Variants in TBC1D32 observed in about 807,000 individuals in gnomAD.
The protein encoded by TBC1D32 is protein broad-minded.
TBC1D32 carries 151 observed loss-of-function variants against 170.3 expected under a neutral mutation model. The observed-to-expected ratio is 0.89, with a 90% CI of 0.78 to 1.01. The LOEUF is 1.01. TBC1D32 is among the 50% of genes least tolerant of loss of function. The probability of loss-of-function intolerance (pLI) is 0.00; values close to 1 mark genes in which losing one functional copy is unlikely to be tolerated. For synonymous variants in TBC1D32, 498 were observed against 488.0 expected (o/e 1.02, Z -0.27); for missense variants, 1,464 against 1,457.1 (o/e 1.00, Z -0.08).
At chr6:121,276,354 A>G (rs1246252940) in intron 15 of TBC1D32, among the ~76,000 whole-genome samples, 1 of 152,102 alleles carries the variant, frequency 6.6e-6, no homozygotes, top group African/African-American at 2.4e-5. Context: ...AAACAATATA[A>G]TTAGCAATTA....
intron 24 of TBC1D32, among the ~76,000 whole-genome samples, chr6:121,139,011 AT>A (rs538495842): frequency 1.3e-5 from 2 of 151,576 alleles, no homozygotes; most frequent in Non-Finnish European, 1.5e-5. Flanking sequence ...CGCCTGGCTA[AT>A]TTTTTTTGTA....
upstream of TBC1D32, chr6:121,334,617 C>T: frequency 3.1e-6 from 2 of 654,392 alleles, no homozygotes; most frequent in Non-Finnish European, 5.1e-6. Context: ...AGTCACCTTA[C>T]TTTGGGGAAG....
At chr6:121,276,341 C>T (rs2128437132) in intron 15 of TBC1D32, among the ~76,000 whole-genome samples, 1 of 152,016 alleles carries the variant, frequency 6.6e-6, no homozygotes, top group South Asian at 2.1e-4. Context: ...CTAAATACAA[C>T]TAAAACAATA....
At chr6:121,102,496 C>G (rs948108103) in intron 30 of TBC1D32, among the ~76,000 whole-genome samples, 1 of 152,056 alleles carries the variant, frequency 6.6e-6, no homozygotes, top group Non-Finnish European at 1.5e-5. Context: ...GGAAACAATT[C>G]CCTATTTAAT....
chr6:121,264,223 C>T (rs534435198), intron 15 of TBC1D32, among the ~76,000 whole-genome samples: 9 of 151,998 alleles, frequency 5.9e-5, no homozygotes, highest in African/African-American at 1.9e-4. Flanking sequence ...CAAATAGATG[C>T]AATAAAAAAT....
At chr6:121,119,756 A>G (rs1194591678) in intron 26 of TBC1D32, among the ~76,000 whole-genome samples, 3 of 152,162 alleles carry the variant, frequency 2.0e-5, no homozygotes, top group African/African-American at 7.2e-5. Flanking sequence ...AGGGATAAAC[A>G]GCCAAACTAA....
intron 12 of TBC1D32, among the ~76,000 whole-genome samples, chr6:121,287,119 A>G (rs1045186360): frequency 4.6e-5 from 7 of 152,182 alleles, no homozygotes; most frequent in Non-Finnish European, 8.8e-5. Context: ...ACCAGCTAAC[A>G]TCATAATGAC....
chr6:121,306,481 C>T (rs1363852578), intron 5 of TBC1D32, among the ~76,000 whole-genome samples: 2 of 152,102 alleles, frequency 1.3e-5, no homozygotes, highest in Non-Finnish European at 2.9e-5. Flanking sequence ...ACTGTAGATA[C>T]TCAATATATA....
At chr6:121,265,116 G>C (rs1206109558) in intron 15 of TBC1D32, among the ~76,000 whole-genome samples, 1 of 152,190 alleles carries the variant, frequency 6.6e-6, no homozygotes, top group African/African-American at 2.4e-5. Flanking sequence ...AAGAGAGGAA[G>C]TCAAATTGTC....
chr6:121,202,770 A>G (rs1791752354), intron 22 of TBC1D32, among the ~76,000 whole-genome samples: 1 of 151,208 alleles, frequency 6.6e-6, no homozygotes, highest in South Asian at 2.1e-4. Context: ...GGCTAATCAA[A>G]GGAGCACCCT....
intron 12 of TBC1D32, 55 bp from the exon 13 acceptor site, chr6:121,283,965 G>C (rs1028333795): frequency 7.6e-7 from 1 of 1,323,844 alleles, no homozygotes; most frequent in African/African-American, 1.5e-5. Flanking sequence ...TTCAACTTAA[G>C]AGAAATTTAA....
At chr6:121,329,002 T>C (rs1309014582) in intron 1 of TBC1D32, among the ~76,000 whole-genome samples, 1 of 152,160 alleles carries the variant, frequency 6.6e-6, no homozygotes, top group Non-Finnish European at 1.5e-5. Context: ...TGTTTGTTAA[T>C]AAAGAAAGAC....
At chr6:121,190,078 ACACACACACACAC>A (rs1789756735) in intron 22 of TBC1D32, among the ~76,000 whole-genome samples, 44 of 28,196 alleles carry the variant, frequency 1.6e-3, no homozygotes, top group South Asian at 3.3e-3. Context: ...ATACAGACAC[ACACACACACACAC>A]ACACACACAC....
intron 20 of TBC1D32, among the ~76,000 whole-genome samples, chr6:121,235,721 G>C (rs954368731): frequency 6.6e-6 from 1 of 152,204 alleles, no homozygotes; most frequent in African/African-American, 2.4e-5. Flanking sequence ...CCACATCTCA[G>C]TGAGCCTGCA....
At chr6:121,184,499 C>A (rs887180764) in intron 22 of TBC1D32, among the ~76,000 whole-genome samples, 3 of 151,630 alleles carry the variant, frequency 2.0e-5, no homozygotes, top group African/African-American at 4.8e-5. Flanking sequence ...TTGGAAGCAA[C>A]TTCTCTAATA....
In TBC1D32 at chr6:121,305,770, G is replaced by A. The variant is rs527870256; in HGVS notation, c.691-937C>T. Among the ~76,000 whole-genome samples the A allele has an allele frequency of 5.4e-4, 82 of 152,042 alleles. 1 individual carries two copies. The highest frequency in any genetic ancestry group is 3.4e-3 in the Middle Eastern group (1 of 294). On this transcript the variant is annotated intron_variant, in intron 5 of 31. Transcript: ENST00000398212. ...CATGTAAGAGTCCTTTAGAGGAGGA[G>A]ATGAAGAAATAGAATTGAACTCAAA...
At chr6:121,169,224 T>C (rs553264703) in intron 22 of TBC1D32, among the ~76,000 whole-genome samples, 3 of 152,198 alleles carry the variant, frequency 2.0e-5, no homozygotes, top group East Asian at 1.9e-4. Context: ...AACAGACACA[T>C]AGACCAATGG....
At chr6:121,132,064 T>G (rs116381477) in intron 24 of TBC1D32, among the ~76,000 whole-genome samples, 1 of 152,134 alleles carries the variant, frequency 6.6e-6, no homozygotes, top group African/African-American at 2.4e-5. Context: ...ATAGACAGCG[T>G]GAACCTTAAA....
intron 22 of TBC1D32, among the ~76,000 whole-genome samples, chr6:121,162,787 A>C (rs1785917295): frequency 8.1e-6 from 1 of 122,792 alleles, no homozygotes; most frequent in Non-Finnish European, 1.8e-5. Context: ...AAAACAGGTG[A>C]TTTCTGCATT....
Sources: gnomAD v4.1 joint callset for allele counts (sites outside exome capture counted in the v4.1 genomes callset) on GRCh38, gnomAD v4.1.1 for gene constraint, MANE v1.5 for transcripts, NCBI Gene and HGNC (gene_info 2026-07-23, HGNC 2026-07-21) for gene names.